Variants in PARD3B observed in about 807,000 individuals in gnomAD.
The protein encoded by PARD3B is par-3 family cell polarity regulator beta.
In PARD3B, 103 loss-of-function variants were observed where a neutral mutation model predicts 130.2. That is an observed-to-expected ratio of 0.79 (90% CI 0.67 to 0.93). PARD3B has a LOEUF of 0.93. Among genes scored for constraint, PARD3B ranks in the 40% least tolerant of loss-of-function variants. PARD3B has a pLI of 0.00. For synonymous variants in PARD3B, 583 were observed against 553.2 expected, an observed-to-expected ratio of 1.05 and a Z score of -0.76; for missense variants, 1,609 against 1,499.2, an observed-to-expected ratio of 1.07 and a Z score of -1.21.
intron 2 of PARD3B, among the ~76,000 whole-genome samples, chr2:204,742,809 A>AAT (rs879888991): frequency 3.3e-5 from 5 of 152,206 alleles, no homozygotes; most frequent in South Asian, 2.1e-4. Flanking sequence ...TAATAGGTAG[A>AAT]ATAGGATTGT....
Position 205,407,736 on chromosome 2 carries a change from C to G in PARD3B, c.2741+6613C>G, listed in dbSNP as rs191798334. Among the ~76,000 whole-genome samples, 2 of 152,222 alleles carry G rather than the reference C, an allele frequency of 1.3e-5. No homozygotes were observed. The highest frequency in any genetic ancestry group is 2.9e-5 in the Non-Finnish European group (2 of 68,004). On this transcript the variant is annotated intron_variant, in intron 19 of 22. Transcript: ENST00000406610. This position sits in a 1 kb window ranked among gnomAD's most constrained non-coding sequence, Gnocchi z 4.1. ...AAAATATCTCCACTGACACCAAAGA[C>G]TGTCTTCCATTGAAGTCCCATATTA...
At chr2:205,071,986 C>A (rs1163678678) in intron 4 of PARD3B, among the ~76,000 whole-genome samples, 1 of 151,744 alleles carries the variant, frequency 6.6e-6, no homozygotes, top group Non-Finnish European at 1.5e-5. Context: ...TGTGAATTAG[C>A]TTTTTTTTAA....
chr2:204,599,348 C>T (rs1486298511), intron 1 of PARD3B, among the ~76,000 whole-genome samples: 1 of 151,914 alleles, frequency 6.6e-6, no homozygotes, highest in Non-Finnish European at 1.5e-5. Context: ...TTTCCCCCTA[C>T]CTATCCCTGC....
chr2:204,903,413 A>G (rs2046938026), intron 2 of PARD3B, among the ~76,000 whole-genome samples: 1 of 152,180 alleles, frequency 6.6e-6, no homozygotes, highest in South Asian at 2.1e-4. Context: ...ATGCCATTTA[A>G]TTACATGTTT....
chr2:205,502,830 A>T (rs2050205870), intron 21 of PARD3B, among the ~76,000 whole-genome samples: 1 of 152,074 alleles, frequency 6.6e-6, no homozygotes, highest in Non-Finnish European at 1.5e-5. Context: ...TATGACTAAT[A>T]CTTTTTCTTT....
intron 2 of PARD3B, among the ~76,000 whole-genome samples, chr2:204,766,829 A>T (rs2041173122): frequency 6.6e-6 from 1 of 151,342 alleles, no homozygotes; most frequent in Non-Finnish European, 1.5e-5. Flanking sequence ...ACAAAAGCAA[A>T]CATTAGAGAT....
At chr2:205,067,211 G>A (rs1183903536) in intron 4 of PARD3B, among the ~76,000 whole-genome samples, 1 of 147,786 alleles carries the variant, frequency 6.8e-6, no homozygotes, top group Non-Finnish European at 1.5e-5. Flanking sequence ...ACTCAGACTG[G>A]AGTGCAATGC....
At position 205,550,968 on chromosome 2, in the gene PARD3B, TATATATATACACAC is replaced by T. The variant is rs2052613202; in HGVS notation, c.3181-2354_3181-2341del. On this transcript the variant is annotated intron_variant, in intron 21 of 22. Coordinates refer to ENST00000406610, the MANE Select transcript of PARD3B (RefSeq NM_001302769.2). This position sits in a 1 kb window ranked among gnomAD's most constrained non-coding sequence, Gnocchi z 4.5. Reference sequence around the variant, plus strand: ...ATATATATATGTGTATATATATATATATATATATACACACACACACACACACACACACACATAAT... The same window carrying T: ...ATATATATATGTGTATATATATATATACACACACACACACACACACATAAT... 9.4e-6 allele frequency among the ~76,000 whole-genome samples: 1 copy of T among 106,464 alleles called. No individual in the cohort carries two copies. Among genetic ancestry groups the T allele is most frequent in the South Asian group, 4.0e-4 (1 of 2,526 alleles). The allele number at this position is 106,464 out of a possible 152,430, so 69.8% of individuals were successfully genotyped here.
intron 2 of PARD3B, among the ~76,000 whole-genome samples, chr2:204,698,964 T>C (rs933126746): frequency 6.6e-6 from 1 of 152,036 alleles, no homozygotes; most frequent in Non-Finnish European, 1.5e-5. Context: ...GTTTAAGAAG[T>C]TTCTCAGAAC....
chr2:205,556,669 T>G (rs2052900428), intron 22 of PARD3B, among the ~76,000 whole-genome samples: 1 of 152,158 alleles, frequency 6.6e-6, no homozygotes, highest in Non-Finnish European at 1.5e-5. Context: ...GAAAGCGGAG[T>G]GTGGTTGTAA....
intron 2 of PARD3B, among the ~76,000 whole-genome samples, chr2:204,934,656 C>A (rs887819670): frequency 1.6e-4 from 24 of 152,008 alleles, no homozygotes; most frequent in African/African-American, 5.6e-4. Context: ...TTTTCCAGAC[C>A]TTTTTTATTA....
At chr2:205,249,900 T>C (rs950580064) in intron 16 of PARD3B, among the ~76,000 whole-genome samples, 3 of 152,016 alleles carry the variant, frequency 2.0e-5, no homozygotes, top group African/African-American at 7.2e-5. Flanking sequence ...GTTTCACTAA[T>C]TGAACTCTGA....
chr2:204,829,046 A>G (rs553877972), intron 2 of PARD3B, among the ~76,000 whole-genome samples: 19 of 152,316 alleles, frequency 1.2e-4, no homozygotes, highest in Non-Finnish European at 2.2e-4. Context: ...AAACTGTGTT[A>G]TATCATGTAA....
intron 15 of PARD3B, among the ~76,000 whole-genome samples, chr2:205,239,539 G>A (rs912570240): frequency 2.0e-5 from 3 of 152,146 alleles, no homozygotes; most frequent in Non-Finnish European, 2.9e-5. Flanking sequence ...GAATTACTTG[G>A]ATTTTCCAAT....
chr2:205,371,091 A>G (rs1201339298), intron 18 of PARD3B, among the ~76,000 whole-genome samples: 2 of 152,164 alleles, frequency 1.3e-5, no homozygotes, highest in East Asian at 1.9e-4. Context: ...TCATGGACCA[A>G]TGTTTGGGTG....
chr2:205,114,648 A>G (rs766702261), intron 6 of PARD3B, among the ~76,000 whole-genome samples: 7 of 152,112 alleles, frequency 4.6e-5, no homozygotes, highest in Non-Finnish European at 1.0e-4. Context: ...TATTTATTCA[A>G]TTCAGTCTGC....
At chr2:205,327,779 A>C (rs2042986010) in intron 18 of PARD3B, among the ~76,000 whole-genome samples, 1 of 152,208 alleles carries the variant, frequency 6.6e-6, no homozygotes, top group Admixed American at 6.5e-5. Context: ...TGAATGTAAA[A>C]TACCTCACTG....
In PARD3B at chr2:204,746,604, A is replaced by C. The variant is rs543052729; in HGVS notation, c.222+60322A>C. ...CTAGTTTACCTCCCACCAACGGTGTAAAAGTGTTCCTATTTCTCCACATCC... is the reference window on the plus strand; with the variant it reads ...CTAGTTTACCTCCCACCAACGGTGTCAAAGTGTTCCTATTTCTCCACATCC... On this transcript the variant is annotated intron_variant, in intron 2 of 22. Transcript: ENST00000406610. 1.9e-4 allele frequency among the ~76,000 whole-genome samples: 29 copies of C among 152,266 alleles called. No homozygotes were observed. The South Asian group carries it at 2.7e-3, about 14-fold the overall frequency.
chr2:204,890,553 C>T lies in PARD3B; in HGVS notation c.223-74599C>T, dbSNP rs540671196. Among the ~76,000 whole-genome samples the T allele has an allele frequency of 6.6e-6, 1 of 152,154 alleles. No homozygotes were observed. Among genetic ancestry groups the T allele is most frequent in the South Asian group, 2.1e-4 (1 of 4,820 alleles). On this transcript the variant is annotated intron_variant, in intron 2 of 22. Transcript: ENST00000406610. This position sits in a 1 kb window ranked among gnomAD's most constrained non-coding sequence, Gnocchi z 4.9. ...AATGGATTTTCCTTGTTTTGGGTAC[C>T]ATCATTGATTTCCACCTCCCCCCAC...
Sources: allele counts gnomAD v4.1 joint callset (sites outside exome capture counted in the v4.1 genomes callset), GRCh38; gene constraint gnomAD v4.1.1; non-coding constraint Gnocchi (gnomAD v3.1); transcripts MANE v1.5; gene names NCBI Gene and HGNC (gene_info 2026-07-23, HGNC 2026-07-21).